WDR87: variants seen among roughly 807,000 people sequenced by gnomAD.
WDR87 encodes the protein WD repeat-containing protein 87.
A neutral mutation model predicts 83.3 loss-of-function variants in WDR87; 56 were observed. The ratio of observed to expected loss-of-function variants is 0.67; its 90% CI spans 0.54 to 0.84. The LOEUF (loss-of-function observed/expected upper bound fraction) is 0.84, where lower values mean the gene tolerates loss of function less well. Among genes scored for constraint, WDR87 ranks in the 40% least tolerant of loss-of-function variants. The probability of loss-of-function intolerance (pLI) is 0.00; values close to 1 mark genes in which losing one functional copy is unlikely to be tolerated. For missense variants in WDR87, 2,939 were observed against 3,431.9 expected, an observed-to-expected ratio of 0.86 and a Z score of 3.59; for synonymous variants, 1,173 against 1,250.6, an observed-to-expected ratio of 0.94 and a Z score of 1.31.
intron 1 of WDR87, among the ~76,000 whole-genome samples, chr19:37,900,366 G>A (rs2046285476): frequency 6.6e-6 from 1 of 151,890 alleles, no homozygotes; most frequent in African/African-American, 2.4e-5. Context: ...TCAAGAACCA[G>A]CCTGGCCAAC....
At chr19:37,891,251 C>T (rs2046202712) in intron 5 of WDR87, among the ~76,000 whole-genome samples, 1 of 151,650 alleles carries the variant, frequency 6.6e-6, no homozygotes, top group African/African-American at 2.4e-5. Context: ...GCAACCTCCA[C>T]CTCCTGGGTT....
intron 1 of WDR87, among the ~76,000 whole-genome samples, chr19:37,902,516 C>A (rs146169794): frequency 2.5e-4 from 38 of 152,292 alleles, no homozygotes; most frequent in Non-Finnish European, 5.1e-4. Context: ...CCATGCCCGG[C>A]TGATTGTTTA....
chr19:37,892,911 T>G lies in WDR87; in HGVS notation c.2792A>C (p.His931Pro). The change falls in exon 4 of 6, where the codon CAT (histidine) becomes CCT (proline). Residue 931 changes from histidine to proline, a missense_variant. Transcript: ENST00000447313. ...GCACTGGTACTTCAGCAAGGAAGCA[T>G]GGACCATAATATTGAGCATTGTCTC... ...MIETMLNIMVHASLLKYQCCV... is the reference protein window; with the variant it reads ...MIETMLNIMVPASLLKYQCCV... 1.3e-6 allele frequency: 2 copies of G among 1,552,112 alleles called. No individual in the cohort carries two copies. Among genetic ancestry groups the G allele is most frequent in the Middle Eastern group, 1.7e-4 (1 of 5,996 alleles).
chr19:37,902,995 A>G (rs1248420266), intron 1 of WDR87, among the ~76,000 whole-genome samples: 3 of 152,338 alleles, frequency 2.0e-5, no homozygotes, highest in African/African-American at 4.8e-5. Flanking sequence ...TGCAACTTTT[A>G]ATTTCCTCAA....
intron 1 of WDR87, among the ~76,000 whole-genome samples, chr19:37,904,601 C>G (rs1417864606): frequency 2.6e-5 from 4 of 151,246 alleles, no homozygotes; most frequent in African/African-American, 7.3e-5. Flanking sequence ...CTCAAGTGAT[C>G]CGCCCACCTC....
chr19:37,889,933 T>G lies in WDR87; in HGVS notation c.3738A>C (p.Thr1246=), dbSNP rs1599761131. The G allele has an allele frequency of 3.2e-6, 5 of 1,551,562 alleles. No homozygotes were observed. The highest frequency in any genetic ancestry group is 1.2e-5 in the South Asian group (1 of 84,046). Reference sequence around the variant, plus strand: ...TAACTGGCTGTTCCATTACAGGAGGTGTAGTTTCCTCATTTATAACTTTGG... The same window carrying G: ...TAACTGGCTGTTCCATTACAGGAGGGGTAGTTTCCTCATTTATAACTTTGG... The part of the protein sequence containing the change: ...KEAKVINEET[T]PPVMEQPVTK... The change falls in exon 6 of 6, where the codon ACA becomes ACC. Residue 1246 remains threonine, a synonymous_variant. Coordinates refer to ENST00000447313, the MANE Select transcript of WDR87 (RefSeq NM_001291088.2).
chr19:37,887,404 T>C lies in WDR87; in HGVS notation c.6267A>G (p.Arg2089=). Residue 2089 remains arginine (R), a synonymous_variant, in exon 6 of 6, where the codon AGA becomes AGG. Transcript: ENST00000447313. ...RGQRIFVQGQ[R]KLAKASRKLI... ...ACTTCCTTGAAGCCTTGGCTAACTT[T>C]CTTTGCCCCTGGACAAATATTCTCT... The C allele has an allele frequency of 1.3e-6, 2 of 1,551,720 alleles. No individual in the cohort carries two copies.
chr19:37,898,104 C>G (rs1251508386), intron 2 of WDR87, 61 bp downstream of exon 2: 7 of 1,537,200 alleles, frequency 4.6e-6, no homozygotes, highest in African/African-American at 2.7e-5. Context: ...CTGAAATGCT[C>G]ATGACTGTAA....
In WDR87 at chr19:37,894,655, G is replaced by T; in HGVS notation, c.1048C>A (p.Arg350Ser). The T allele has an allele frequency of 6.4e-7, 1 of 1,551,696 alleles. No homozygotes were observed. The highest frequency in any genetic ancestry group is 8.7e-7 in the Non-Finnish European group (1 of 1,146,998). The change falls in exon 4 of 6, where the codon CGC becomes AGC. Residue 350 changes from arginine (R) to serine (S), a missense_variant. Transcript: ENST00000447313. ...CQTAHSFSLH[R>S]LPCFYSLFNV... Reference sequence around the variant, plus strand: ...AAGAGGCTGTAGAAGCAGGGCAGGCGGTGCAAGGAAAAACTATGGGCAGTT... The same window carrying T: ...AAGAGGCTGTAGAAGCAGGGCAGGCTGTGCAAGGAAAAACTATGGGCAGTT...
intron 2 of WDR87, among the ~76,000 whole-genome samples, chr19:37,897,206 T>TG (rs1429674072): frequency 6.8e-6 from 1 of 146,012 alleles, no homozygotes; most frequent in African/African-American, 2.5e-5. Context: ...GGGATCCTGT[T>TG]TTTTTTTTTT....
chr19:37,887,284 T>C lies in WDR87; in HGVS notation c.6387A>G (p.Leu2129=). The C allele has an allele frequency of 6.4e-7, 1 of 1,551,432 alleles. No homozygotes were observed. Among genetic ancestry groups the C allele is most frequent in the Non-Finnish European group, 8.7e-7 (1 of 1,146,908 alleles). ...TTGTCATTTTTATTTCTTCCTGTGT[T>C]AGTTTCCTTTCATCCCTGGTTAGTT... is the stretch of plus-strand genomic sequence containing the variant. ...LQKLTRDERK[L]TQEEIKMTKM... is the part of the protein sequence containing the mutation. The change falls in exon 6 of 6, where the codon CTA becomes CTG. Residue 2129 remains leucine, a synonymous_variant. Transcript: ENST00000447313.
chr19:37,904,053 C>G (rs2046308301), intron 1 of WDR87, among the ~76,000 whole-genome samples: 1 of 151,856 alleles, frequency 6.6e-6, no homozygotes, highest in African/African-American at 2.4e-5. Flanking sequence ...CAGGCGCCCG[C>G]CACCATGCCT....
At position 37,893,606 on chromosome 19, in the gene WDR87, A is replaced by C; in HGVS notation, c.2097T>G (p.Pro699=). ...MSISDEVLEV[P]KPFIPSFFFS... is the part of the protein sequence containing the mutation. ...AGAAGAAGCTTGGTATGAAAGGCTT[A>C]GGGACTTCCAGTACTTCATCTGATA... is the stretch of plus-strand genomic sequence containing the variant. Residue 699 remains proline, a synonymous_variant, in exon 4 of 6, where the codon CCT becomes CCG. Coordinates refer to ENST00000447313, the MANE Select transcript of WDR87 (RefSeq NM_001291088.2). 6.4e-7 allele frequency: 1 copy of C among 1,552,086 alleles called. No individual in the cohort carries two copies. Among genetic ancestry groups the C allele is most frequent in the Non-Finnish European group, 8.7e-7 (1 of 1,147,072 alleles).
At position 37,885,091 on chromosome 19, in the gene WDR87, G is replaced by A; in HGVS notation, c.8580C>T (p.Phe2860=). 1 of 1,464,892 alleles carries A rather than the reference G, an allele frequency of 6.8e-7. No individual in the cohort carries two copies. Among genetic ancestry groups the A allele is most frequent in the Non-Finnish European group, 9.0e-7 (1 of 1,107,706 alleles). 90.7% of individuals were successfully genotyped at this position (1,464,892 alleles called of 1,614,324 possible). A position where few individuals can be genotyped will look rare whatever the true frequency, so the allele number is the denominator to read the frequency against. The change falls in exon 6 of 6, where the codon TTC becomes TTT. Residue 2860 remains phenylalanine, a synonymous_variant. Coordinates refer to ENST00000447313, the MANE Select transcript of WDR87 (RefSeq NM_001291088.2). The part of the protein sequence containing the change: ...SSHTPRSPQE[F]QGAVPLPWQN... ...GCCATGGGAGGGGTACCGCACCCTG[G>A]AACTCCTGAGGACTTCTAGGAGTAT...
At position 37,888,195 on chromosome 19, in the gene WDR87, G is replaced by C. The variant is rs879154917; in HGVS notation, c.5476C>G (p.His1826Asp). 1.3e-6 allele frequency: 2 copies of C among 1,551,348 alleles called. No homozygotes were observed. Among genetic ancestry groups the C allele is most frequent in the South Asian group, 2.4e-5 (2 of 84,030 alleles). ...LIQEKEKLAQ[H>D]KEKMPEEEER... ...TCTTCCTCAGGCATTTTTTCCTTGT[G>C]CTGGGCCAGTTTCTCCTTTTCCTGG... The change falls in exon 6 of 6, where the codon CAC (histidine) becomes GAC (aspartate). Residue 1826 changes from histidine (H) to aspartate (D), a missense_variant. Transcript: ENST00000447313.
chr19:37,900,412 T>C (rs1248991432), intron 1 of WDR87, among the ~76,000 whole-genome samples: 2 of 151,312 alleles, frequency 1.3e-5, no homozygotes, highest in Non-Finnish European at 2.9e-5. Flanking sequence ...AATACAAAAA[T>C]TAGCCGGGCA....
chr19:37,885,922 A>G lies in WDR87; in HGVS notation c.7749T>C (p.Asp2583=). ...RMEAGEQLSR[D]GFHRLCQLLK... is the part of the protein sequence containing the mutation. ...GCAGCTGGCACAGTCTATGGAAACC[A>G]TCCCTGGAAAGCTGTTCTCCCGCTT... Residue 2583 remains aspartate (D), a synonymous_variant, in exon 6 of 6, where the codon GAT becomes GAC. Coordinates refer to ENST00000447313, the MANE Select transcript of WDR87 (RefSeq NM_001291088.2). 6.4e-7 allele frequency: 1 copy of G among 1,552,302 alleles called. No homozygotes were observed. Among genetic ancestry groups the G allele is most frequent in the Non-Finnish European group, 8.7e-7 (1 of 1,147,132 alleles).
intron 1 of WDR87, among the ~76,000 whole-genome samples, chr19:37,902,447 A>G (rs1176539886): frequency 1.3e-5 from 2 of 151,274 alleles, no homozygotes; most frequent in African/African-American, 4.9e-5. Flanking sequence ...CGAACTTCTG[A>G]CCTCAGGTCA....
In WDR87 at chr19:37,891,690, G is replaced by C; in HGVS notation, c.3256C>G (p.Pro1086Ala). The C allele has an allele frequency of 1.9e-6, 3 of 1,551,872 alleles. No homozygotes were observed. Among genetic ancestry groups the C allele is most frequent in the Non-Finnish European group, 2.6e-6 (3 of 1,147,048 alleles). The change falls in exon 5 of 6, where the codon CCG (proline) becomes GCG (alanine). Residue 1086 changes from proline (P) to alanine (A), a missense_variant. Transcript: ENST00000447313. ...ATTGAGACATCTAAAGAAAAAGCCG[G>C]CTTTTCATCTCTATGTGACAGGGTC... The part of the protein sequence containing the change: ...NLTLSHRDEK[P>A]AFSLDVSMPS...
Sources: gnomAD v4.1 joint callset for allele counts (sites outside exome capture counted in the v4.1 genomes callset) on GRCh38, gnomAD v4.1.1 for gene constraint, MANE v1.5 for transcripts, NCBI Gene and HGNC (gene_info 2026-07-23, HGNC 2026-07-21) for gene names.